PGCKA1: variants seen among roughly 807,000 people sequenced by gnomAD.
PGCKA1 encodes PDCD10 and GCKIII kinases associated 1.
chr4:37,572,069 T>C, the PGCKA1 span, among the ~76,000 whole-genome samples: 3 of 111,758 alleles, frequency 2.7e-5, no homozygotes, highest in South Asian at 2.9e-4. Context: ...TTTTCTTTTT[T>C]TTTTTTTTTT....
the PGCKA1 span, among the ~76,000 whole-genome samples, chr4:37,466,581 T>C: frequency 6.6e-6 from 1 of 152,178 alleles, no homozygotes; most frequent in African/African-American, 2.4e-5. Flanking sequence ...TAAGGGACTA[T>C]TGCAGAAGAA....
the PGCKA1 span, among the ~76,000 whole-genome samples, chr4:37,556,357 C>T: frequency 6.6e-6 from 1 of 151,720 alleles, no homozygotes; most frequent in South Asian, 2.1e-4. Flanking sequence ...AACCTCTGTC[C>T]CCGGGGTTCA....
the PGCKA1 span, among the ~76,000 whole-genome samples, chr4:37,560,997 C>T: frequency 1.3e-5 from 2 of 152,278 alleles, no homozygotes; most frequent in South Asian, 4.1e-4. Flanking sequence ...AGTTCTCTCT[C>T]CTCCTTTTCA....
the PGCKA1 span, among the ~76,000 whole-genome samples, chr4:37,529,742 G>A: frequency 2.6e-5 from 4 of 152,100 alleles, no homozygotes; most frequent in South Asian, 2.1e-4. Flanking sequence ...CGGTGTTTTC[G>A]TCTGTAGCCG....
chr4:37,528,745 T>C, the PGCKA1 span, among the ~76,000 whole-genome samples: 1 of 152,208 alleles, frequency 6.6e-6, no homozygotes, highest in African/African-American at 2.4e-5. Context: ...AGGGTTAAAG[T>C]AGGAAGACTG....
the PGCKA1 span, among the ~76,000 whole-genome samples, chr4:37,556,864 A>C: frequency 6.6e-6 from 1 of 152,250 alleles, no homozygotes; most frequent in Non-Finnish European, 1.5e-5. Context: ...CTATGATAAA[A>C]AATAAGAATA....
chr4:37,530,198 G>T, the PGCKA1 span, among the ~76,000 whole-genome samples: 1 of 152,154 alleles, frequency 6.6e-6, no homozygotes, highest in Non-Finnish European at 1.5e-5. Context: ...AACATTTACT[G>T]TTGGAATTTA....
the PGCKA1 span, among the ~76,000 whole-genome samples, chr4:37,495,037 G>GA: frequency 1.8e-3 from 255 of 143,354 alleles, no homozygotes; most frequent in African/African-American, 3.9e-3. Flanking sequence ...AAATTTACAA[G>GA]AAAAAAAAAA....
At chr4:37,508,417 TTGAC>T in the PGCKA1 span, among the ~76,000 whole-genome samples, 1 of 152,094 alleles carries the variant, frequency 6.6e-6, no homozygotes, top group Non-Finnish European at 1.5e-5. Context: ...TTTGTCTCCT[TTGAC>T]TGTGTATTTT....
chr4:37,563,312 C>A, the PGCKA1 span, among the ~76,000 whole-genome samples: 1 of 152,148 alleles, frequency 6.6e-6, no homozygotes, highest in Non-Finnish European at 1.5e-5. Context: ...TCGGCAAATT[C>A]GATTCCCGGG....
the PGCKA1 span, among the ~76,000 whole-genome samples, chr4:37,480,951 G>A: frequency 1.3e-5 from 2 of 152,348 alleles, no homozygotes; most frequent in Non-Finnish European, 2.9e-5. Context: ...GAGGTGTCAA[G>A]GATGACACCG....
the PGCKA1 span, among the ~76,000 whole-genome samples, chr4:37,589,779 C>G: frequency 6.6e-6 from 1 of 152,140 alleles, no homozygotes; most frequent in Non-Finnish European, 1.5e-5. Context: ...TTACAGGTGC[C>G]TACCACCTCA....
At chr4:37,573,099 T>A in the PGCKA1 span, among the ~76,000 whole-genome samples, 1 of 152,260 alleles carries the variant, frequency 6.6e-6, no homozygotes, top group Non-Finnish European at 1.5e-5. Context: ...GTGGACCTCA[T>A]GTATTTCCCT....
At chr4:37,572,443 A>G in the PGCKA1 span, among the ~76,000 whole-genome samples, 1 of 152,204 alleles carries the variant, frequency 6.6e-6, no homozygotes, top group Non-Finnish European at 1.5e-5. Flanking sequence ...AAGAATCCCC[A>G]TAAATCCTCT....
the PGCKA1 span, among the ~76,000 whole-genome samples, chr4:37,567,252 G>C: frequency 1.3e-5 from 2 of 152,072 alleles, no homozygotes; most frequent in Non-Finnish European, 2.9e-5. Flanking sequence ...CACCTTAAAG[G>C]GTTGTTTTAA....
the PGCKA1 span, among the ~76,000 whole-genome samples, chr4:37,570,128 CG>C: frequency 0.31 from 45,515 of 146,238 alleles, 7,714 homozygotes; most frequent in Middle Eastern, 0.4. Flanking sequence ...TACAGGCGCC[CG>C]CCACCACGCC....
At chr4:37,474,622 T>C in the PGCKA1 span, among the ~76,000 whole-genome samples, 4 of 152,194 alleles carry the variant, frequency 2.6e-5, no homozygotes, top group East Asian at 5.8e-4. Context: ...GTCAAAAGGG[T>C]AGGAATAGCT....
chr4:37,508,970 A>C, the PGCKA1 span, among the ~76,000 whole-genome samples: 2 of 150,504 alleles, frequency 1.3e-5, no homozygotes, highest in Non-Finnish European at 3.0e-5. Flanking sequence ...GACACAGCAC[A>C]TGTTTCAGAG....
chr4:37,547,673 C>T, the PGCKA1 span, among the ~76,000 whole-genome samples: 4 of 152,070 alleles, frequency 2.6e-5, no homozygotes, highest in Non-Finnish European at 5.9e-5. Flanking sequence ...CACACATAGA[C>T]AATTACACCT....
Sources: allele counts gnomAD v4.1 joint callset (sites outside exome capture counted in the v4.1 genomes callset), GRCh38; gene constraint gnomAD v4.1.1; transcripts MANE v1.5; gene names NCBI Gene and HGNC (gene_info 2026-07-23, HGNC 2026-07-21).